Variants in MYO18B observed in about 807,000 individuals in gnomAD.
MYO18B encodes the protein unconventional myosin-XVIIIb.
Under a neutral mutation model 273.0 loss-of-function variants are expected in MYO18B, and 204 were observed. That is an observed-to-expected ratio of 0.75 (90% CI 0.67 to 0.84). MYO18B has a LOEUF of 0.84. MYO18B is among the 40% of genes least tolerant of loss of function. The pLI is 0.00. For missense variants in MYO18B, 3,212 were observed against 3,287.6 expected (o/e 0.98, Z 0.56); for synonymous variants, 1,330 against 1,305.7 (o/e 1.02, Z -0.40).
chr22:26,026,321 C>T lies in MYO18B; in HGVS notation c.6471-124C>T, dbSNP rs7285311. On this transcript the variant is annotated intron_variant, in intron 42 of 43. Transcript: ENST00000335473. ...AAATCATATGGTTCATTTGAGAGTG[C>T]GGTAGGGATGGTATTTCCAAAGAAA... is the stretch of plus-strand genomic sequence containing the variant. 6.4e-3 allele frequency: 7,042 copies of T among 1,097,014 alleles called. 291 individuals are homozygous for T. The African/African-American group carries it at 0.091, about 14-fold the overall frequency. The allele number at this position is 1,097,014 out of a possible 1,614,324, so 68.0% of individuals were successfully genotyped here.
chr22:25,775,211 G>A (rs562259236), intron 7 of MYO18B, among the ~76,000 whole-genome samples: 2 of 152,308 alleles, frequency 1.3e-5, no homozygotes, highest in East Asian at 3.9e-4. Context: ...CAGTGTGGGG[G>A]CATATCCCTC....
At chr22:25,744,127 T>C (rs955729819) in intron 1 of MYO18B, among the ~76,000 whole-genome samples, 3 of 152,218 alleles carry the variant, frequency 2.0e-5, no homozygotes, top group Admixed American at 1.3e-4. Flanking sequence ...TCATGGAATT[T>C]CCATGTTTCA....
intron 4 of MYO18B, among the ~76,000 whole-genome samples, chr22:25,769,733 C>T (rs1029620138): frequency 2.6e-5 from 4 of 152,142 alleles, no homozygotes; most frequent in Admixed American, 6.5e-5. Flanking sequence ...TATGATGTCA[C>T]ACGACAGCTT....
intron 27 of MYO18B, 70 bp from the exon 28 acceptor site, chr22:25,895,086 A>C: frequency 6.5e-7 from 1 of 1,543,300 alleles, no homozygotes; most frequent in East Asian, 2.3e-5. Context: ...AAAGTGGAGG[A>C]GAGCCACTCA....
intron 1 of MYO18B, among the ~76,000 whole-genome samples, chr22:25,757,780 G>T (rs553024096): frequency 3.9e-5 from 6 of 152,262 alleles, no homozygotes; most frequent in African/African-American, 1.4e-4. Context: ...CTTCTACTAA[G>T]ACCTTGGTAT....
rs746867546 is a variant in MYO18B at position 26,026,914 on chromosome 22, G to A, written c.6940G>A (p.Glu2314Lys). 5.0e-6 allele frequency: 8 copies of A among 1,609,460 alleles called. No individual in the cohort carries two copies. The East Asian group carries it at 1.1e-4, about 22-fold the overall frequency. The change falls in exon 43 of 44, where the codon GAA becomes AAA. Residue 2314 changes from glutamate (E) to lysine (K), a missense_variant. By Grantham distance (56) the Glu-to-Lys change is moderately conservative (BLOSUM62 1). Coordinates refer to ENST00000335473, the MANE Select transcript of MYO18B (RefSeq NM_032608.7). ...RVGAKSPLEI[E>K]GAAGGLLRST... ...TGGGGCAAAGTCACCCCTGGAAATC[G>A]AAGGGGCCGCTGGTGGTCTCTTGAG...
chr22:25,942,553 G>T (rs1269922698), intron 34 of MYO18B, among the ~76,000 whole-genome samples: 3 of 152,180 alleles, frequency 2.0e-5, no homozygotes, highest in African/African-American at 7.2e-5. Flanking sequence ...TAAGAGCTTG[G>T]GCTCTGGCGT....
intron 12 of MYO18B, among the ~76,000 whole-genome samples, chr22:25,819,527 T>C (rs1432736152): frequency 6.6e-6 from 1 of 151,898 alleles, no homozygotes; most frequent in Non-Finnish European, 1.5e-5. Flanking sequence ...TATTTGCTTC[T>C]TAACAAAGAG....
chr22:25,903,556 T>TTG (rs2091980205), intron 30 of MYO18B, 75 bp from the exon 31 acceptor site: 2 of 1,436,868 alleles, frequency 1.4e-6, no homozygotes, highest in African/African-American at 2.8e-5. Flanking sequence ...CCCCAGTTGG[T>TTG]TGTAGAGGTA....
chr22:25,820,642 C>T (rs974364846), intron 12 of MYO18B, among the ~76,000 whole-genome samples: 2 of 152,172 alleles, frequency 1.3e-5, no homozygotes, highest in African/African-American at 4.8e-5. Context: ...GTGTATCCAT[C>T]ATCTTGAACA....
intron 39 of MYO18B, among the ~76,000 whole-genome samples, chr22:25,989,452 T>C (rs951988179): frequency 6.6e-6 from 1 of 151,918 alleles, no homozygotes; most frequent in African/African-American, 2.4e-5. Flanking sequence ...AGAAAGTGGC[T>C]AATGCCCAGT....
chr22:25,997,388 C>G (rs1933404816), intron 40 of MYO18B, among the ~76,000 whole-genome samples: 4 of 137,676 alleles, frequency 2.9e-5, no homozygotes, highest in Admixed American at 7.3e-5. Flanking sequence ...GATTTCAAGA[C>G]AGTAACACAA....
At chr22:25,983,662 T>A (rs1260758483) in intron 39 of MYO18B, 1 of 152,210 alleles carries the variant, frequency 6.6e-6, no homozygotes, top group Non-Finnish European at 1.5e-5. Flanking sequence ...GTTCTGCCAA[T>A]GAAAGGCAGT....
Position 25,777,769 on chromosome 22 carries a change from G to T in MYO18B, c.2056G>T (p.Gly686Cys). Reference protein sequence around the residue: ...HLVGMAGSVDGRVSVEKIRAT... With the variant: ...HLVGMAGSVDCRVSVEKIRAT... The stretch of plus-strand genomic sequence containing the variant: ...GGTGGGGATGGCAGGCAGTGTGGAT[G>T]GCAGGGTCTCAGGTATGGTGGTCTC... The change falls in exon 8 of 44, where the codon GGC (glycine) becomes TGC (cysteine). Residue 686 changes from glycine to cysteine, a missense_variant. Gly to Cys is a radical substitution (Grantham distance 159, BLOSUM62 -3). Coordinates refer to ENST00000335473, the MANE Select transcript of MYO18B (RefSeq NM_032608.7). The T allele has an allele frequency of 6.2e-7, 1 of 1,601,262 alleles. No homozygotes were observed. The highest frequency in any genetic ancestry group is 8.5e-7 in the Non-Finnish European group (1 of 1,173,570).
Position 25,950,453 on chromosome 22 carries a change from A to G in MYO18B, c.5832+3A>G, listed in dbSNP as rs781257801. On this transcript the variant is annotated splice_donor_region_variant and intron_variant, in intron 37 of 43. Transcript: ENST00000335473. ...AGAAGCACAAGCTACAAGAACAAGT[A>G]TGTGCTCAGAGCCATCCTATAGTTG... The G allele has an allele frequency of 6.3e-7, 1 of 1,595,086 alleles. No homozygotes were observed. Among genetic ancestry groups the G allele is most frequent in the Admixed American group, 1.7e-5 (1 of 58,044 alleles).
chr22:25,905,490 G>T (rs2092024616), intron 31 of MYO18B, among the ~76,000 whole-genome samples: 1 of 152,190 alleles, frequency 6.6e-6, no homozygotes, highest in African/African-American at 2.4e-5. Flanking sequence ...ATCTGGTCGT[G>T]ACAGCAGGGT....
At chr22:25,873,230 C>T (rs764497004) in intron 22 of MYO18B, among the ~76,000 whole-genome samples, 55 of 152,174 alleles carry the variant, frequency 3.6e-4, no homozygotes, top group Non-Finnish European at 7.1e-4. Context: ...TGTGGGGTGC[C>T]GAGGAGGCAT....
At chr22:25,760,013 G>T (rs2086251762) in intron 1 of MYO18B, among the ~76,000 whole-genome samples, 1 of 152,158 alleles carries the variant, frequency 6.6e-6, no homozygotes, top group African/African-American at 2.4e-5. Flanking sequence ...CTCCAAGCGT[G>T]GGACAGATTG....
At chr22:26,055,130 C>A in the MYO18B span, among the ~76,000 whole-genome samples, 1 of 152,128 alleles carries the variant, frequency 6.6e-6, no homozygotes, top group Non-Finnish European at 1.5e-5. Context: ...GCAGCTTCAA[C>A]CAAAAGCTGA....
Sources: allele counts gnomAD v4.1 joint callset (sites outside exome capture counted in the v4.1 genomes callset), GRCh38; gene constraint gnomAD v4.1.1; transcripts MANE v1.5; gene names NCBI Gene and HGNC (gene_info 2026-07-23, HGNC 2026-07-21).